The following KAZN variants were observed in gnomAD, a reference collection of about 807,000 sequenced individuals.
The protein encoded by KAZN is kazrin.
KAZN carries 40 observed loss-of-function variants against 87.4 expected under a neutral mutation model. The ratio of observed to expected loss-of-function variants is 0.46; its 90% CI spans 0.36 to 0.60. The LOEUF (loss-of-function observed/expected upper bound fraction) is 0.60. Ranked by LOEUF, KAZN falls within the 20% of genes least tolerant of loss-of-function variation. The pLI is 0.00. For missense variants in KAZN, 898 were observed against 1,073.9 expected (o/e 0.84, Z 2.29); for synonymous variants, 466 against 458.3 (o/e 1.02, Z -0.22).
At chr1:14,420,444 G>A (rs546169732) in intron 2 of KAZN, among the ~76,000 whole-genome samples, 8 of 152,310 alleles carry the variant, frequency 5.3e-5, no homozygotes, top group South Asian at 2.1e-4. Context: ...TTCCCCCACC[G>A]GAGCCACGGG....
At chr1:14,014,140 T>C (rs1233825646) in intron 1 of KAZN, among the ~76,000 whole-genome samples, 5 of 152,132 alleles carry the variant, frequency 3.3e-5, no homozygotes, top group African/African-American at 1.2e-4. Flanking sequence ...TGATTTTTTT[T>C]CGCTATACCA....
intron 2 of KAZN, chr1:14,391,659 G>C (rs1435367144): frequency 6.6e-6 from 1 of 152,084 alleles, no homozygotes. Context: ...GTTAACACTG[G>C]TACCAACTCC....
chr1:15,109,719 G>GTA (rs1340081308), intron 13 of KAZN, among the ~76,000 whole-genome samples: 19 of 145,610 alleles, frequency 1.3e-4, no homozygotes, highest in African/African-American at 4.7e-4. Flanking sequence ...GTGTTTGTGT[G>GTA]TATATATCTG....
At chr1:14,042,556 A>G (rs2101408530) in intron 1 of KAZN, among the ~76,000 whole-genome samples, 1 of 152,264 alleles carries the variant, frequency 6.6e-6, no homozygotes, top group East Asian at 1.9e-4. Context: ...CTGCTCACTC[A>G]ATCTATTTTA....
rs372134940 is a variant in KAZN at position 14,484,281 on chromosome 1, G to A, written c.250-114702G>A. On this transcript the variant is annotated intron_variant, in intron 2 of 16. Coordinates refer to the KAZN transcript ENST00000636203. ...AAGTTCAAGAGATCTATTGCACAAC[G>A]GTGTGGCTATAGTCGATAACAATGT... Among the ~76,000 whole-genome samples, 28 of 152,216 alleles carry A rather than the reference G, an allele frequency of 1.8e-4. No homozygotes were observed. In the East Asian group the frequency reaches 2.7e-3, roughly 15 times the overall value.
In KAZN at chr1:14,448,658, G is replaced by GT. The variant is rs544248204; in HGVS notation, c.250-150324dup. On this transcript the variant is annotated intron_variant, in intron 2 of 16. Coordinates refer to the KAZN transcript ENST00000636203. ...ACTGGACACCAGCCCCAGAGAGGAAGTAATAGATTATTGGCACAGGAATGG... is the reference window on the plus strand; with the variant it reads ...ACTGGACACCAGCCCCAGAGAGGAAGTTAATAGATTATTGGCACAGGAATGG... Among the ~76,000 whole-genome samples the GT allele has an allele frequency of 3.5e-4, 53 of 152,338 alleles. 3 individuals carry two copies. The highest frequency in any genetic ancestry group is 3.4e-3 in the Middle Eastern group (1 of 294).
intron 1 of KAZN, among the ~76,000 whole-genome samples, chr1:14,898,706 A>G (rs1655530582): frequency 6.6e-6 from 1 of 152,176 alleles, no homozygotes; most frequent in Non-Finnish European, 1.5e-5. Context: ...AGTAAGTGGC[A>G]TGATAGACTG....
intron 2 of KAZN, among the ~76,000 whole-genome samples, chr1:14,961,319 C>T (rs1342101711): frequency 2.0e-5 from 3 of 152,078 alleles, no homozygotes; most frequent in Non-Finnish European, 4.4e-5. Context: ...TCTCCTGGGC[C>T]CAGAGGAAGG....
At chr1:13,936,882 C>A (rs1428566550) in intron 1 of KAZN, among the ~76,000 whole-genome samples, 1 of 152,042 alleles carries the variant, frequency 6.6e-6, no homozygotes, top group South Asian at 2.1e-4. Flanking sequence ...AGTGGGATTG[C>A]TGAATCAAGC....
intron 2 of KAZN, among the ~76,000 whole-genome samples, chr1:14,522,916 C>T (rs1234211280): frequency 6.6e-6 from 1 of 152,202 alleles, no homozygotes; most frequent in Non-Finnish European, 1.5e-5. Flanking sequence ...CATTGATTCT[C>T]TGGGTGCCCC....
intron 1 of KAZN, among the ~76,000 whole-genome samples, chr1:13,928,671 G>C (rs1345572467): frequency 6.6e-6 from 1 of 152,136 alleles, no homozygotes; most frequent in Non-Finnish European, 1.5e-5. Context: ...ATCCAGCAAG[G>C]CTCTGCATGG....
intron 2 of KAZN, among the ~76,000 whole-genome samples, chr1:14,544,746 A>G (rs1673037320): frequency 6.6e-6 from 1 of 151,876 alleles, no homozygotes; most frequent in Non-Finnish European, 1.5e-5. Context: ...TTTAAAAAAA[A>G]AAAAAAAAAG....
intron 2 of KAZN, among the ~76,000 whole-genome samples, chr1:14,250,359 C>T (rs1169621534): frequency 1.3e-5 from 2 of 151,700 alleles, no homozygotes; most frequent in South Asian, 4.2e-4. Flanking sequence ...TGTTGAATCT[C>T]ACCATCAACT....
At chr1:14,794,231 G>A (rs182357287) in intron 1 of KAZN, among the ~76,000 whole-genome samples, 281 of 152,296 alleles carry the variant, frequency 1.8e-3, no homozygotes, top group African/African-American at 6.5e-3. Context: ...AGTGGGGATT[G>A]CTGACTCTCA....
chr1:14,616,457 G>A (rs1414986152), intron 1 of KAZN, among the ~76,000 whole-genome samples: 1 of 150,862 alleles, frequency 6.6e-6, no homozygotes, highest in African/African-American at 2.4e-5. Context: ...AGGGAGCATA[G>A]AAGAGGGTGA....
intron 13 of KAZN, among the ~76,000 whole-genome samples, chr1:15,107,225 T>C (rs1184690794): frequency 6.6e-6 from 1 of 152,236 alleles, no homozygotes; most frequent in East Asian, 1.9e-4. Flanking sequence ...ATCCATGTCC[T>C]GCCTTCACGA....
At chr1:14,956,521 G>A (rs577157813) in intron 1 of KAZN, among the ~76,000 whole-genome samples, 74 of 151,870 alleles carry the variant, frequency 4.9e-4, no homozygotes, top group African/African-American at 1.6e-3. Flanking sequence ...CAGGAGAATT[G>A]CTTGAACCCG....
At chr1:14,726,407 G>A (rs187942531) in intron 1 of KAZN, among the ~76,000 whole-genome samples, 5 of 152,336 alleles carry the variant, frequency 3.3e-5, no homozygotes, top group Admixed American at 6.5e-5. Context: ...TGGGAGACGC[G>A]TTCCCAGCAT....
intron 2 of KAZN, among the ~76,000 whole-genome samples, chr1:14,289,564 G>A (rs1653521447): frequency 1.4e-5 from 2 of 147,990 alleles, no homozygotes; most frequent in South Asian, 2.1e-4. Flanking sequence ...CCTTTATTTT[G>A]AGCCTATGTC....
Sources: gnomAD v4.1 joint callset for allele counts (sites outside exome capture counted in the v4.1 genomes callset) on GRCh38, gnomAD v4.1.1 for gene constraint, MANE v1.5 for transcripts, NCBI Gene and HGNC (gene_info 2026-07-23, HGNC 2026-07-21) for gene names.